Variants in RBM44 observed in about 807,000 individuals in gnomAD.
The protein encoded by RBM44 is RNA-binding protein 44.
Under a neutral mutation model 105.1 loss-of-function variants are expected in RBM44, and 66 were observed. The observed-to-expected ratio is 0.63, with a 90% CI of 0.52 to 0.77. The LOEUF is 0.77. Among genes scored for constraint, RBM44 ranks in the 30% least tolerant of loss-of-function variants. The pLI, the probability that RBM44 is intolerant of heterozygous loss-of-function variation, is 0.00. For synonymous variants in RBM44, 365 were observed against 417.6 expected, an observed-to-expected ratio of 0.87 and a Z score of 1.54; for missense variants, 1,122 against 1,207.8, an observed-to-expected ratio of 0.93 and a Z score of 1.05.
chr2:237,820,212 C>T lies in RBM44; in HGVS notation c.1774C>T (p.Pro592Ser), dbSNP rs2061769562. 1.3e-6 allele frequency: 2 copies of T among 1,565,246 alleles called. No homozygotes were observed. The highest frequency in any genetic ancestry group is 8.7e-7 in the Non-Finnish European group (1 of 1,155,012). The stretch of plus-strand genomic sequence containing the variant: ...TTTTAAAGATACAGAGAAGGATTTG[C>T]CATCAATGTGCTGTCAGAAGATAAT... ...QLFKDTEKDL[P>S]SMCCQKIMQR... Residue 592 changes from proline to serine, a missense_variant, in exon 5 of 16, where the codon CCA (proline) becomes TCA (serine). Around this residue, in one of 3 missense-constraint regions of RBM44, gnomAD observed 918 missense variants for 955.3 expected, o/e 0.96. Coordinates refer to ENST00000316997, the MANE Select transcript of RBM44 (RefSeq NM_001080504.3).
chr2:237,817,877 A>G lies in RBM44; in HGVS notation c.958A>G (p.Lys320Glu). The change falls in exon 3 of 16, where the codon AAA (lysine) becomes GAA (glutamate). Residue 320 changes from lysine to glutamate, a missense_variant. Physicochemically the swap from Lys to Glu is moderately conservative, Grantham distance 56 (BLOSUM62 1). Transcript: ENST00000316997. ...QSKSGSLSPQ[K>E]VLKMKIYTEN... ...TAAGAGTGGTTCCTTGAGCCCTCAA[A>G]AAGTATTAAAAATGAAAATTTATAC... is the stretch of plus-strand genomic sequence containing the variant. The G allele has an allele frequency of 6.3e-7, 1 of 1,598,796 alleles. No individual in the cohort carries two copies. Among genetic ancestry groups the G allele is most frequent in the Admixed American group, 1.8e-5 (1 of 55,134 alleles).
intron 13 of RBM44, 21 bp downstream of exon 13, chr2:237,829,523 C>T (rs757329180): frequency 6.3e-7 from 1 of 1,588,326 alleles, no homozygotes; most frequent in Admixed American, 1.8e-5. Flanking sequence ...TTGATAGATC[C>T]CTTAAATGGT....
At position 237,818,597 on chromosome 2, in the gene RBM44, G is replaced by A. The variant is rs746714335; in HGVS notation, c.1677+1G>A. 14 of 1,498,160 alleles carry A rather than the reference G, an allele frequency of 9.3e-6. No individual in the cohort carries two copies. The East Asian group carries it at 2.8e-4, about 30-fold the overall frequency. The allele number at this position is 1,498,160 out of a possible 1,614,324, so 92.8% of individuals were successfully genotyped here. A position where few individuals can be genotyped will look rare whatever the true frequency, so the allele number is the denominator to read the frequency against. On this transcript the variant is annotated splice_donor_variant, in intron 3 of 15. Transcript: ENST00000316997. LOFTEE classifies it high-confidence loss of function. This position sits in a 1 kb window ranked among gnomAD's most constrained non-coding sequence, Gnocchi z 4.6. ...ACCTAATGGAAATTTTCTAAATAAG[G>A]TAAAATCAATATGAGTAATAATAAA... is the stretch of plus-strand genomic sequence containing the variant.
intron 1 of RBM44, among the ~76,000 whole-genome samples, chr2:237,810,967 C>T (rs996720663): frequency 6.6e-6 from 1 of 152,046 alleles, no homozygotes; most frequent in African/African-American, 2.4e-5. Context: ...ACCGAAGCAA[C>T]CATTACTGTG....
intron 15 of RBM44, among the ~76,000 whole-genome samples, chr2:237,835,841 A>G (rs1416612253): frequency 6.6e-6 from 1 of 151,722 alleles, no homozygotes; most frequent in Admixed American, 6.6e-5. Flanking sequence ...CCCAACATAT[A>G]GTCTTCTATC....
chr2:237,830,333 T>G (rs1350300711), intron 13 of RBM44, among the ~76,000 whole-genome samples: 2 of 152,210 alleles, frequency 1.3e-5, no homozygotes, highest in Admixed American at 6.5e-5. Context: ...TTTGATTTTT[T>G]AATATTCTGA....
chr2:237,801,623 G>A (rs945670088), intron 1 of RBM44, among the ~76,000 whole-genome samples: 1 of 152,044 alleles, frequency 6.6e-6, no homozygotes, highest in African/African-American at 2.4e-5. Flanking sequence ...CACCGCACCT[G>A]GCCAGACCAG....
At chr2:237,799,234 G>C (rs1467439678) in intron 1 of RBM44, 1 of 152,422 alleles carries the variant, frequency 6.6e-6, no homozygotes, top group Non-Finnish European at 1.5e-5. Context: ...TCTGCTGCGG[G>C]GCGGGGACTC....
chr2:237,817,491 CAGA>C lies in RBM44; in HGVS notation c.577_579del (p.Glu193del). ...GACTCACAGCAGGAATATCACAGTG[CAGA>C]AGAACAAGAATACATAAGTAACCAT... On this transcript the variant is annotated inframe_deletion, in exon 3 of 16. Coordinates refer to ENST00000316997, the MANE Select transcript of RBM44 (RefSeq NM_001080504.3). 11 of 1,604,646 alleles carry C rather than the reference CAGA, an allele frequency of 6.9e-6. No homozygotes were observed. Among genetic ancestry groups the C allele is most frequent in the African/African-American group, 1.3e-5 (1 of 74,822 alleles).
In RBM44 at chr2:237,832,115, G is replaced by A. The variant is rs143227976; in HGVS notation, c.2887-1882G>A. On this transcript the variant is annotated intron_variant, in intron 13 of 15. Coordinates refer to ENST00000316997, the MANE Select transcript of RBM44 (RefSeq NM_001080504.3). ...CTCTGTATTTTCAATTCAAGTCCCT[G>A]TGATTTGAGTAATTCATTTGCTTCA... Among the ~76,000 whole-genome samples, 1,090 of 150,458 alleles carry A rather than the reference G, an allele frequency of 7.2e-3. 69 individuals carry two copies. The highest frequency in any genetic ancestry group is 0.064 in the Admixed American group (973 of 15,128).
At position 237,817,153 on chromosome 2, in the gene RBM44, G is replaced by A. The variant is rs1351443036; in HGVS notation, c.234G>A (p.Glu78=). The A allele has an allele frequency of 6.2e-7, 1 of 1,607,036 alleles. No homozygotes were observed. The highest frequency in any genetic ancestry group is 8.5e-7 in the Non-Finnish European group (1 of 1,177,480). The part of the protein sequence containing the change: ...ISNIDKMDLL[E]PFFSVSQDTN... Reference sequence around the variant, plus strand: ...ATATTGACAAAATGGATTTATTAGAGCCATTTTTTTCAGTGAGTCAAGATA... The same window carrying A: ...ATATTGACAAAATGGATTTATTAGAACCATTTTTTTCAGTGAGTCAAGATA... The change falls in exon 3 of 16, where the codon GAG becomes GAA. Residue 78 remains glutamate (E), a synonymous_variant. Transcript: ENST00000316997.
chr2:237,801,948 T>G (rs895770930), intron 1 of RBM44, among the ~76,000 whole-genome samples: 1 of 152,246 alleles, frequency 6.6e-6, no homozygotes, highest in African/African-American at 2.4e-5. Flanking sequence ...ATTTTAGTTT[T>G]TAATTGCTTT....
At chr2:237,832,043 C>T (rs2061909270) in intron 13 of RBM44, among the ~76,000 whole-genome samples, 1 of 152,152 alleles carries the variant, frequency 6.6e-6, no homozygotes, top group African/African-American at 2.4e-5. Flanking sequence ...TTTCTCTGCT[C>T]ATGACTGCTT....
Position 237,817,134 on chromosome 2 carries a change from A to G in RBM44, c.215A>G (p.Asp72Gly). 1 of 1,609,274 alleles carries G rather than the reference A, an allele frequency of 6.2e-7. No homozygotes were observed. The highest frequency in any genetic ancestry group is 8.5e-7 in the Non-Finnish European group (1 of 1,178,244). The change falls in exon 3 of 16, where the codon GAC becomes GGC. Residue 72 changes from aspartate to glycine, a missense_variant. Asp to Gly is a moderately conservative substitution (Grantham distance 94). Transcript: ENST00000316997. The stretch of plus-strand genomic sequence containing the variant: ...AATAATAAAGAAATCAGCAATATTG[A>G]CAAAATGGATTTATTAGAGCCATTT... ...RANNKEISNI[D>G]KMDLLEPFFS...
chr2:237,817,499 C>T lies in RBM44; in HGVS notation c.580C>T (p.Gln194Ter). The T allele has an allele frequency of 6.2e-7, 1 of 1,605,944 alleles. No homozygotes were observed. The highest frequency in any genetic ancestry group is 8.5e-7 in the Non-Finnish European group (1 of 1,175,560). The change falls in exon 3 of 16, where the codon CAA (glutamine) becomes TAA (stop). Residue 194 changes from glutamine to a stop codon, truncating the protein, a stop_gained. Transcript: ENST00000316997. LOFTEE classifies it high-confidence loss of function. The part of the protein sequence containing the change: ...SQQEYHSAEE[Q>*]EYISNHLSFD... ...GCAGGAATATCACAGTGCAGAAGAA[C>T]AAGAATACATAAGTAACCATTTATC...
chr2:237,837,827 G>A (rs62196144), intron 15 of RBM44, among the ~76,000 whole-genome samples: 1 of 151,276 alleles, frequency 6.6e-6, no homozygotes, highest in African/African-American at 2.4e-5. Flanking sequence ...GCTTTCTTGA[G>A]ATGCAGTCTA....
chr2:237,806,569 A>T (rs1394963262), intron 1 of RBM44, among the ~76,000 whole-genome samples: 1 of 152,178 alleles, frequency 6.6e-6, no homozygotes, highest in East Asian at 1.9e-4. Context: ...ACCATGGAAA[A>T]AGAACAAGGA....
At position 237,834,272 on chromosome 2, in the gene RBM44, T is replaced by G; in HGVS notation, c.3033-6T>G. The G allele has an allele frequency of 6.4e-7, 1 of 1,565,148 alleles. No individual in the cohort carries two copies. The highest frequency in any genetic ancestry group is 8.6e-7 in the Non-Finnish European group (1 of 1,157,326). On this transcript the variant is annotated splice_region_variant and splice_polypyrimidine_tract_variant and intron_variant, in intron 14 of 15. Transcript: ENST00000316997. ...AAATACTCATGTATGTTTTCCTTTT[T>G]CATAGAGACCATATTATAAATGCAC...
chr2:237,820,117 G>A, intron 4 of RBM44, 58 bp from the exon 5 acceptor site: 1 of 959,026 alleles, frequency 1.0e-6, no homozygotes, highest in Non-Finnish European at 1.5e-6. Flanking sequence ...CTGGAGGCAT[G>A]TTATTACTAT....
Sources: gnomAD v4.1 joint callset for allele counts (sites outside exome capture counted in the v4.1 genomes callset) on GRCh38, gnomAD v4.1.1 for gene constraint, gnomAD v4.1.1 regional missense constraint, Gnocchi (gnomAD v3.1) non-coding constraint, MANE v1.5 for transcripts, NCBI Gene and HGNC (gene_info 2026-07-23, HGNC 2026-07-21) for gene names.